Variants in R3HDM1 observed in about 807,000 individuals in gnomAD.
The protein encoded by R3HDM1 is R3H domain-containing protein 1.
R3HDM1 carries 46 observed loss-of-function variants against 141.1 expected under a neutral mutation model. The ratio of observed to expected loss-of-function variants is 0.33; its 90% CI spans 0.26 to 0.42. The LOEUF (loss-of-function observed/expected upper bound fraction) is 0.42, where lower values mean the gene tolerates loss of function less well. Among genes scored for constraint, R3HDM1 ranks in the 10% least tolerant of loss-of-function variants. The pLI is 1.00. For synonymous variants in R3HDM1, 435 were observed against 472.9 expected (o/e 0.92, Z 1.04); for missense variants, 1,184 against 1,368.3 (o/e 0.87, Z 2.12).
chr2:135,666,131 T>C (rs2067457016), intron 19 of R3HDM1, among the ~76,000 whole-genome samples: 1 of 152,182 alleles, frequency 6.6e-6, no homozygotes, highest in Non-Finnish European at 1.5e-5. Flanking sequence ...TGAACGACAC[T>C]ATGGAAGAAA....
In R3HDM1 at chr2:135,616,692, C is replaced by G; in HGVS notation, c.238C>G (p.Arg80Gly). Reference protein sequence around the residue: ...SKSSSKLKLVRSLAVCEESPP... With the variant: ...SKSSSKLKLVGSLAVCEESPP... ...GTCAAGCTCAAAGTTAAAGCTAGTT[C>G]GGAGCCTTGCAGTGTGTGAAGAATC... The change falls in exon 5 of 27, where the codon CGG becomes GGG. Residue 80 changes from arginine to glycine, a missense_variant. Around this residue, in one of 5 missense-constraint regions of R3HDM1, gnomAD observed 192 missense variants for 215.7 expected, o/e 0.89. Coordinates refer to ENST00000683871, the MANE Select transcript of R3HDM1 (RefSeq NM_001378107.1). 1 of 1,608,250 alleles carries G rather than the reference C, an allele frequency of 6.2e-7. No individual in the cohort carries two copies. Among genetic ancestry groups the G allele is most frequent in the Non-Finnish European group, 8.5e-7 (1 of 1,176,454 alleles).
intron 17 of R3HDM1, chr2:135,651,141 C>G: frequency 1.0e-6 from 1 of 985,328 alleles, no homozygotes; most frequent in Non-Finnish European, 1.2e-6. Flanking sequence ...ACTTCCAGAA[C>G]AGATTGAAAA....
chr2:135,643,491 A>T (rs1376903837), intron 15 of R3HDM1, among the ~76,000 whole-genome samples: 1 of 151,526 alleles, frequency 6.6e-6, no homozygotes, highest in African/African-American at 2.4e-5. Context: ...ACTGTTTTTC[A>T]GTCAAATTTT....
At chr2:135,667,784 A>G (rs1026005151) in intron 19 of R3HDM1, 19 of 970,482 alleles carry the variant, frequency 2.0e-5, no homozygotes, top group Non-Finnish European at 2.2e-5. Context: ...TCTTTCTCAA[A>G]CTTGGCAGTC....
At chr2:135,721,805 C>T in intron 24 of R3HDM1, 119 bp from the exon 25 acceptor site, 4 of 710,688 alleles carry the variant, frequency 5.6e-6, no homozygotes. Flanking sequence ...CCAGGCTGGT[C>T]TCGAACTCCT....
At chr2:135,594,138 A>G (rs1574163244) in intron 1 of R3HDM1, among the ~76,000 whole-genome samples, 1 of 152,012 alleles carries the variant, frequency 6.6e-6, no homozygotes, top group South Asian at 2.1e-4. Flanking sequence ...TGTCTCCCAC[A>G]TCTCCCCTGC....
At chr2:135,581,278 C>G (rs1483625972) in intron 1 of R3HDM1, 16 of 985,398 alleles carry the variant, frequency 1.6e-5, no homozygotes, top group South Asian at 4.7e-5. Flanking sequence ...TGTCCTGTTT[C>G]CCTGTAGATC....
At chr2:135,671,526 C>T (rs905472053) in intron 19 of R3HDM1, among the ~76,000 whole-genome samples, 3 of 151,736 alleles carry the variant, frequency 2.0e-5, no homozygotes, top group Non-Finnish European at 2.9e-5. Flanking sequence ...TGCGCCACCA[C>T]GCCTGGCTAA....
chr2:135,666,910 T>C (rs1372341571), intron 19 of R3HDM1, among the ~76,000 whole-genome samples: 1 of 129,612 alleles, frequency 7.7e-6, no homozygotes, highest in Non-Finnish European at 1.5e-5. Context: ...TTTAGTAAAA[T>C]GGCTCATCTT....
In R3HDM1 at chr2:135,622,054, G is replaced by A. The variant is rs1022403358; in HGVS notation, c.418+446G>A. ...TATTACCTAGCATTGCAGATCAATA[G>A]AAATGCTTTTTAAATTTAAAAACCC... On this transcript the variant is annotated intron_variant, in intron 6 of 26. Coordinates refer to ENST00000683871, the MANE Select transcript of R3HDM1 (RefSeq NM_001378107.1). The A allele has an allele frequency of 1.4e-5, 14 of 984,368 alleles. No individual in the cohort carries two copies. The African/African-American group carries it at 2.3e-4, about 16-fold the overall frequency. The allele number at this position is 984,368 out of a possible 1,614,324, so 61.0% of individuals were successfully genotyped here.
chr2:135,607,060 C>T (rs902760431), intron 3 of R3HDM1: 2 of 152,148 alleles, frequency 1.3e-5, no homozygotes, highest in African/African-American at 4.8e-5. Flanking sequence ...GCAACCTTGG[C>T]TTACTGCAGC....
chr2:135,596,229 C>T (rs748665330), intron 1 of R3HDM1, among the ~76,000 whole-genome samples: 1 of 152,184 alleles, frequency 6.6e-6, no homozygotes, highest in Admixed American at 6.5e-5. Context: ...AACTCCTGAC[C>T]TCAAGTGATC....
At chr2:135,562,336 A>G (rs1218841975) in intron 1 of R3HDM1, among the ~76,000 whole-genome samples, 1 of 152,216 alleles carries the variant, frequency 6.6e-6, no homozygotes, top group African/African-American at 2.4e-5. Flanking sequence ...CTGAAATCAT[A>G]CAGCATATAG....
chr2:135,569,726 TTTG>T (rs1271654805), intron 1 of R3HDM1, among the ~76,000 whole-genome samples: 4 of 145,828 alleles, frequency 2.7e-5, no homozygotes, highest in East Asian at 2.0e-4. Flanking sequence ...CTCTTTTTTT[TTTG>T]TTGTTGTTTT....
intron 21 of R3HDM1, among the ~76,000 whole-genome samples, chr2:135,695,713 G>GCAAATA (rs1169507724): frequency 2.0e-5 from 3 of 150,706 alleles, no homozygotes; most frequent in African/African-American, 7.5e-5. Flanking sequence ...ATCTTTATTT[G>GCAAATA]AAGAAGTGAA....
At chr2:135,689,320 G>T (rs535969751) in intron 21 of R3HDM1, among the ~76,000 whole-genome samples, 2 of 152,142 alleles carry the variant, frequency 1.3e-5, no homozygotes, top group Non-Finnish European at 2.9e-5. Context: ...CCAGTATCCT[G>T]ACATAAAACT....
At chr2:135,563,650 G>A (rs540009045) in intron 1 of R3HDM1, among the ~76,000 whole-genome samples, 1 of 152,084 alleles carries the variant, frequency 6.6e-6, no homozygotes, top group Non-Finnish European at 1.5e-5. Flanking sequence ...AAGCCCAGTG[G>A]AATACGTTTA....
intron 19 of R3HDM1, among the ~76,000 whole-genome samples, chr2:135,662,853 T>G (rs1278845459): frequency 6.6e-6 from 1 of 152,200 alleles, no homozygotes; most frequent in African/African-American, 2.4e-5. Context: ...CTTGATTTTT[T>G]TCTTCCAAAA....
chr2:135,715,507 G>A (rs1191018760), intron 23 of R3HDM1, 43 bp from the exon 24 acceptor site: 2 of 1,585,184 alleles, frequency 1.3e-6, no homozygotes, highest in Admixed American at 1.8e-5. Context: ...AAATAAGCCT[G>A]CCCAAAATGC....
Sources: gnomAD v4.1 joint callset for allele counts (sites outside exome capture counted in the v4.1 genomes callset) on GRCh38, gnomAD v4.1.1 for gene constraint, gnomAD v4.1.1 regional missense constraint, MANE v1.5 for transcripts, NCBI Gene and HGNC (gene_info 2026-07-23, HGNC 2026-07-21) for gene names.